Variants in PCNX2 observed in about 807,000 individuals in gnomAD.
PCNX2 encodes the protein pecanex 2, also known as pecanex-like protein 2.
Under a neutral mutation model 223.8 loss-of-function variants are expected in PCNX2, and 168 were observed. That is an observed-to-expected ratio of 0.75 (90% CI 0.66 to 0.85). PCNX2 has a LOEUF of 0.85. Among genes scored for constraint, PCNX2 ranks in the 40% least tolerant of loss-of-function variants. PCNX2 has a pLI of 0.00. For synonymous variants in PCNX2, 1,006 were observed against 1,052.6 expected (o/e 0.96, Z 0.86); for missense variants, 2,507 against 2,675.5 (o/e 0.94, Z 1.39).
rs74637112 is a variant in PCNX2, at chr1:233,203,388, C to A, written c.2864-3124G>T. Among the ~76,000 whole-genome samples, 29 of 152,138 alleles carry A rather than the reference C, an allele frequency of 1.9e-4. No individual in the cohort carries two copies. In the East Asian group the frequency reaches 5.6e-3, roughly 29 times the overall value. ...TCAGACTGAGCACAGGAAATGAGTG[C>A]GGACTAATAACTTTCACCTTATTCC... On this transcript the variant is annotated intron_variant, in intron 13 of 33. Transcript: ENST00000258229.
intron 22 of PCNX2, among the ~76,000 whole-genome samples, chr1:233,091,204 C>A (rs1334146910): frequency 6.6e-6 from 1 of 152,150 alleles, no homozygotes; most frequent in Non-Finnish European, 1.5e-5. Flanking sequence ...TTGGATCATT[C>A]TACTACAGAT....
At chr1:233,188,591 C>T (rs1158053463) in intron 15 of PCNX2, among the ~76,000 whole-genome samples, 4 of 151,502 alleles carry the variant, frequency 2.6e-5, no homozygotes, top group African/African-American at 7.3e-5. Context: ...GGTGTGATCT[C>T]GGCTCACTGC....
intron 1 of PCNX2, among the ~76,000 whole-genome samples, chr1:233,269,000 A>G (rs566120741): frequency 6.6e-6 from 1 of 152,220 alleles, no homozygotes; most frequent in South Asian, 2.1e-4. Context: ...GGTGCCCCTG[A>G]CCAAGTGGGT....
chr1:233,230,114 T>C lies in PCNX2; in HGVS notation c.2359-2743A>G, dbSNP rs1367657122. On this transcript the variant is annotated intron_variant, in intron 9 of 33. Coordinates refer to ENST00000258229, the MANE Select transcript of PCNX2 (RefSeq NM_014801.4). Reference sequence around the variant, plus strand: ...TGAAAACATAACAAGAGAGAGTTTCTACCTTACAGGGGTTTAGAAATTTCT... The same window carrying C: ...TGAAAACATAACAAGAGAGAGTTTCCACCTTACAGGGGTTTAGAAATTTCT... 3.3e-5 allele frequency among the ~76,000 whole-genome samples: 5 copies of C among 152,346 alleles called. No homozygotes were observed. The East Asian group carries it at 9.6e-4, about 29-fold the overall frequency.
chr1:233,001,513 TAAATAAATA>T lies in PCNX2; in HGVS notation c.5097+15_5097+23del, dbSNP rs1275319215. 7 of 1,231,748 alleles carry T rather than the reference TAAATAAATA, an allele frequency of 5.7e-6. No homozygotes were observed. Among genetic ancestry groups the T allele is most frequent in the African/African-American group, 3.2e-5 (2 of 62,882 alleles). 76.3% of individuals were successfully genotyped at this position (1,231,748 alleles called of 1,614,324 possible). ...ATAAATAAATAAATAAATAAATAAA[TAAATAAATA>T]AAATAGGTTTTTACCTGGTGAAGTT... is the stretch of plus-strand genomic sequence containing the variant. On this transcript the variant is annotated intron_variant, in intron 29 of 33. Coordinates refer to ENST00000258229, the MANE Select transcript of PCNX2 (RefSeq NM_014801.4). The surrounding 1 kb of genome is among the most constrained non-coding windows in gnomAD (Gnocchi z 4.2).
chr1:233,301,830 C>T, the PCNX2 span, among the ~76,000 whole-genome samples: 14 of 144,956 alleles, frequency 9.7e-5, no homozygotes, highest in African/African-American at 2.3e-4. Flanking sequence ...CTTGCTCTGC[C>T]GCCCAAGCCA....
At chr1:233,169,688 A>G (rs538685693) in intron 17 of PCNX2, among the ~76,000 whole-genome samples, 1 of 151,990 alleles carries the variant, frequency 6.6e-6, no homozygotes, top group Admixed American at 6.6e-5. Context: ...TAAATTGCAT[A>G]TAATAAGTAT....
At chr1:233,177,958 A>G (rs1679577362) in intron 16 of PCNX2, 60 bp from the exon 17 acceptor site, 1 of 1,367,200 alleles carries the variant, frequency 7.3e-7, no homozygotes, top group Non-Finnish European at 1.0e-6. Flanking sequence ...GTTTTCGGTA[A>G]ATAACTTCAC....
intron 1 of PCNX2, among the ~76,000 whole-genome samples, chr1:233,264,140 G>A (rs1244809713): frequency 6.6e-6 from 1 of 152,116 alleles, no homozygotes; most frequent in East Asian, 1.9e-4. Flanking sequence ...TGGGACCCGT[G>A]GAGTTGTCCC....
At chr1:232,996,197 G>A (rs544789558) in intron 32 of PCNX2, among the ~76,000 whole-genome samples, 4 of 152,050 alleles carry the variant, frequency 2.6e-5, no homozygotes, top group Non-Finnish European at 5.9e-5. Context: ...AAGAAACCAG[G>A]TCTGAAGCAC....
intron 19 of PCNX2, among the ~76,000 whole-genome samples, chr1:233,152,273 A>G (rs1376621635): frequency 6.6e-6 from 1 of 152,220 alleles, no homozygotes; most frequent in Non-Finnish European, 1.5e-5. Flanking sequence ...CACTTTCCAT[A>G]CCAGTATCAT....
intron 23 of PCNX2, among the ~76,000 whole-genome samples, chr1:233,075,743 G>C (rs1486249120): frequency 3.3e-5 from 4 of 122,084 alleles, no homozygotes; most frequent in South Asian, 2.4e-4. Flanking sequence ...ACACACAACA[G>C]AAAAGAAATC....
intron 13 of PCNX2, among the ~76,000 whole-genome samples, chr1:233,206,942 T>A (rs1197668003): frequency 2.0e-5 from 3 of 149,602 alleles, no homozygotes; most frequent in Non-Finnish European, 4.4e-5. Context: ...ATCCAGGAGG[T>A]GGAGGTTGCT....
intron 12 of PCNX2, among the ~76,000 whole-genome samples, chr1:233,214,299 C>T (rs1681995195): frequency 6.6e-6 from 1 of 152,122 alleles, no homozygotes; most frequent in African/African-American, 2.4e-5. Context: ...ATTATTTATT[C>T]TTCTTTTGCA....
At chr1:233,188,801 A>G (rs1432641585) in intron 15 of PCNX2, among the ~76,000 whole-genome samples, 2 of 152,198 alleles carry the variant, frequency 1.3e-5, no homozygotes, top group South Asian at 4.1e-4. Flanking sequence ...GATTACAGGC[A>G]TGAGCCACCG....
At chr1:232,986,893 G>A (rs1002917028) in intron 32 of PCNX2, among the ~76,000 whole-genome samples, 12 of 152,336 alleles carry the variant, frequency 7.9e-5, no homozygotes, top group African/African-American at 2.2e-4. Context: ...TACTTCAGGC[G>A]AACCAGGACA....
Position 233,258,821 on chromosome 1 carries a change from C to T in PCNX2, c.1041G>A (p.Val347=). The T allele has an allele frequency of 1.2e-6, 2 of 1,613,878 alleles. No homozygotes were observed. Among genetic ancestry groups the T allele is most frequent in the African/African-American group, 1.3e-5 (1 of 75,006 alleles). ...CAGCTACCTCACTATCTGAGGAGTCCACTTCCTGGTGCAAGGGCAGGTCCC... is the reference window on the plus strand; with the variant it reads ...CAGCTACCTCACTATCTGAGGAGTCTACTTCCTGGTGCAAGGGCAGGTCCC... ...CQGDLPLHQE[V]DSSDSEVAVT... The change falls in exon 5 of 34, where the codon GTG becomes GTA. Residue 347 remains valine (V), a synonymous_variant. Transcript: ENST00000258229.
chr1:233,285,951 C>T (rs576306691), intron 1 of PCNX2, among the ~76,000 whole-genome samples: 57 of 152,234 alleles, frequency 3.7e-4, no homozygotes, highest in African/African-American at 1.3e-3. Context: ...GACAACAGGG[C>T]TATGTATGCA....
intron 28 of PCNX2, among the ~76,000 whole-genome samples, chr1:233,008,749 T>C (rs902878447): frequency 6.6e-6 from 1 of 152,198 alleles, no homozygotes; most frequent in African/African-American, 2.4e-5. Flanking sequence ...AGCACTGGGC[T>C]GGCAGGAAAG....
Sources: allele counts gnomAD v4.1 joint callset (sites outside exome capture counted in the v4.1 genomes callset), GRCh38; gene constraint gnomAD v4.1.1; non-coding constraint Gnocchi (gnomAD v3.1); transcripts MANE v1.5; gene names NCBI Gene and HGNC (gene_info 2026-07-23, HGNC 2026-07-21).